Variants in ITGA1 observed in about 807,000 individuals in gnomAD.
The protein encoded by ITGA1 is integrin alpha-1.
Under a neutral mutation model 145.9 loss-of-function variants are expected in ITGA1, and 85 were observed. The observed-to-expected ratio is 0.58, with a 90% confidence interval of 0.49 to 0.70. ITGA1 has a LOEUF of 0.70. Ranked by LOEUF, ITGA1 falls within the 30% of genes least tolerant of loss-of-function variation. The probability of loss-of-function intolerance (pLI) is 0.00; values close to 1 mark genes in which losing one functional copy is unlikely to be tolerated. For synonymous variants in ITGA1, 520 were observed against 495.3 expected (o/e 1.05, Z -0.66); for missense variants, 1,351 against 1,418.7 (o/e 0.95, Z 0.77).
chr5:52,937,385 C>T lies in ITGA1; in HGVS notation c.2965-16C>T. 1 of 1,515,114 alleles carries T rather than the reference C, an allele frequency of 6.6e-7. No individual in the cohort carries two copies. The highest frequency in any genetic ancestry group is 9.2e-7 in the Non-Finnish European group (1 of 1,090,350). The allele number at this position is 1,515,114 out of a possible 1,614,324, so 93.9% of individuals were successfully genotyped here. ...AAAAGAGGAAGAAAGATTACATTTCCATTTTTTTCTTGTAGATTAGAAAAA... is the reference window on the plus strand; with the variant it reads ...AAAAGAGGAAGAAAGATTACATTTCTATTTTTTTCTTGTAGATTAGAAAAA... On this transcript the variant is annotated splice_polypyrimidine_tract_variant and intron_variant, in intron 23 of 28. Coordinates refer to ENST00000282588, the MANE Select transcript of ITGA1 (RefSeq NM_181501.2).
rs1389250182 is a variant in ITGA1, at chr5:52,887,869, G to A, written c.828G>A (p.Met276Ile). The change falls in exon 8 of 29, where the codon ATG becomes ATA. Residue 276 changes from methionine (M) to isoleucine (I), a missense_variant. Physicochemically the swap from Met to Ile is conservative, Grantham distance 10. Transcript: ENST00000282588. ...CCCGAAGAGGAGTTAAAAAAGTCAT[G>A]GTTATTGTGACAGATGGAGAGTCTC... ...RGARRGVKKVMVIVTDGESHD... is the reference protein window; with the variant it reads ...RGARRGVKKVIVIVTDGESHD... The A allele has an allele frequency of 3.1e-6, 5 of 1,613,936 alleles. No individual in the cohort carries two copies. In the African/African-American group the frequency reaches 6.7e-5, roughly 22 times the overall value.
intron 26 of ITGA1, among the ~76,000 whole-genome samples, chr5:52,940,417 T>C (rs1376057600): frequency 1.3e-5 from 2 of 151,022 alleles, no homozygotes; most frequent in African/African-American, 4.9e-5. Context: ...TTTTTCTTTT[T>C]TTTTTTTTTG....
chr5:52,799,190 C>T (rs116734477), intron 1 of ITGA1, among the ~76,000 whole-genome samples: 4,412 of 152,256 alleles, frequency 0.029, 77 homozygotes, highest in Non-Finnish European at 0.037. Context: ...TTTGTTTTTT[C>T]TATTCATCGG....
At chr5:52,875,937 A>G (rs1749859451) in intron 6 of ITGA1, among the ~76,000 whole-genome samples, 1 of 151,744 alleles carries the variant, frequency 6.6e-6, no homozygotes, top group African/African-American at 2.4e-5. Context: ...AAACTCCTTT[A>G]ATTATCATCT....
At chr5:52,874,012 T>C (rs1334460962) in intron 6 of ITGA1, among the ~76,000 whole-genome samples, 2 of 151,762 alleles carry the variant, frequency 1.3e-5, no homozygotes, top group African/African-American at 2.4e-5. Context: ...AATATACTTA[T>C]CCTAGTTGAG....
Position 52,793,042 on chromosome 5 carries a change from A to T in ITGA1, c.61+4628A>T, listed in dbSNP as rs553586098. Among the ~76,000 whole-genome samples the T allele has an allele frequency of 2.0e-5, 3 of 152,178 alleles. No homozygotes were observed. The East Asian group carries it at 5.8e-4, about 29-fold the overall frequency. On this transcript the variant is annotated intron_variant, in intron 1 of 28. Transcript: ENST00000282588. Reference sequence around the variant, plus strand: ...GGACTTTGCATAAGTAGTTACTCCCACTGCTACTGATCTCAATCCCTGAAT... The same window carrying T: ...GGACTTTGCATAAGTAGTTACTCCCTCTGCTACTGATCTCAATCCCTGAAT...
intron 2 of ITGA1, among the ~76,000 whole-genome samples, chr5:52,857,350 C>T (rs548999005): frequency 2.0e-5 from 3 of 152,244 alleles, no homozygotes; most frequent in African/African-American, 4.8e-5. Context: ...TCTACTCCCT[C>T]TCCTGTGAAA....
intron 18 of ITGA1, among the ~76,000 whole-genome samples, chr5:52,923,736 C>A (rs75291102): frequency 0.031 from 4,670 of 152,098 alleles, 275 homozygotes; most frequent in African/African-American, 0.11. Flanking sequence ...GAATTTAGGA[C>A]CAATGGAAAG....
rs1751029093 is a variant in ITGA1 at position 52,939,958 on chromosome 5, T to C, written c.3285+14T>C. 1.5e-6 allele frequency: 2 copies of C among 1,328,842 alleles called. No homozygotes were observed. The highest frequency in any genetic ancestry group is 1.4e-5 in the African/African-American group (1 of 69,220). The allele number at this position is 1,328,842 out of a possible 1,614,324, so 82.3% of individuals were successfully genotyped here. A position where few individuals can be genotyped will look rare whatever the true frequency, so the allele number is the denominator to read the frequency against. The stretch of plus-strand genomic sequence containing the variant: ...ACTTTTATAAAAGTAAGTAAATACA[T>C]AGTTCTATGCACTTATTGAATAATA... On this transcript the variant is annotated intron_variant, in intron 26 of 28. Transcript: ENST00000282588.
At chr5:52,887,707 G>T in intron 7 of ITGA1, 108 bp from the exon 8 acceptor site, 1 of 1,020,534 alleles carries the variant, frequency 9.8e-7, no homozygotes, top group Non-Finnish European at 1.4e-6. Flanking sequence ...TAATTTTGGA[G>T]GGAAGCACCA....
intron 1 of ITGA1, among the ~76,000 whole-genome samples, chr5:52,825,761 T>C (rs1435784327): frequency 2.6e-5 from 4 of 151,796 alleles, no homozygotes; most frequent in Non-Finnish European, 5.9e-5. Context: ...CTACTGAAAA[T>C]GCAAAAATTA....
chr5:52,788,226 CTGCCACTGGGGCAG>C lies in ITGA1; in HGVS notation c.-127_-114del. On this transcript the variant is annotated 5_prime_UTR_variant, in exon 1 of 29. Transcript: ENST00000282588. ...ACTCCTCTCCCGCTCCTGGGCGCCG[CTGCCACTGGGGCAG>C]AGGACTGGGAACCGCGGCAGCGGGA... 1.6e-6 allele frequency: 1 copy of C among 616,114 alleles called. No individual in the cohort carries two copies. The allele number at this position is 616,114 out of a possible 1,614,324, so 38.2% of individuals were successfully genotyped here.
chr5:52,814,745 G>T (rs78398833), intron 1 of ITGA1, among the ~76,000 whole-genome samples: 1 of 151,744 alleles, frequency 6.6e-6, no homozygotes, highest in Non-Finnish European at 1.5e-5. Flanking sequence ...AAAAGGGGGG[G>T]AAAGAAAAAG....
chr5:52,866,819 C>T (rs559044109), intron 6 of ITGA1, among the ~76,000 whole-genome samples: 1 of 152,186 alleles, frequency 6.6e-6, no homozygotes, highest in African/African-American at 2.4e-5. Context: ...GTTTATTAAA[C>T]TCATATGGGC....
intron 1 of ITGA1, among the ~76,000 whole-genome samples, chr5:52,847,470 GAC>G (rs1451751300): frequency 2.0e-5 from 3 of 152,176 alleles, no homozygotes; most frequent in African/African-American, 7.2e-5. Flanking sequence ...TAACAAAGAA[GAC>G]TGAATTTAGC....
At position 52,939,645 on chromosome 5, in the gene ITGA1, A is replaced by G. The variant is rs769092679; in HGVS notation, c.3134A>G (p.Lys1045Arg). 2 of 1,613,844 alleles carry G rather than the reference A, an allele frequency of 1.2e-6. No homozygotes were observed. Among genetic ancestry groups the G allele is most frequent in the South Asian group, 2.2e-5 (2 of 91,086 alleles). ...FEDPFSINSG[K>R]KMTTSTDHLK... Reference sequence around the variant, plus strand: ...GATCCTTTCAGTATCAACTCTGGAAAGAAAATGACTACATCAACTGACCAT... The same window carrying G: ...GATCCTTTCAGTATCAACTCTGGAAGGAAAATGACTACATCAACTGACCAT... The change falls in exon 25 of 29, where the codon AAG becomes AGG. Residue 1045 changes from lysine to arginine, a missense_variant. Physicochemically the swap from Lys to Arg is conservative, Grantham distance 26. Transcript: ENST00000282588.
chr5:52,905,770 T>C lies in ITGA1; in HGVS notation c.1317T>C (p.Thr439=). ...NEPLASYLGY[T]VNSATASSGD... ...GAATCTTTCTTTTGTTAGGTTACAC[T>C]GTAAACTCTGCTACTGCTTCTTCTG... Residue 439 remains threonine, a synonymous_variant, in exon 12 of 29, where the codon ACT becomes ACC. Transcript: ENST00000282588. 1 of 1,613,264 alleles carries C rather than the reference T, an allele frequency of 6.2e-7. No individual in the cohort carries two copies. The highest frequency in any genetic ancestry group is 1.1e-5 in the South Asian group (1 of 90,856).
chr5:52,932,789 T>A (rs1750911263), intron 22 of ITGA1: 1 of 152,182 alleles, frequency 6.6e-6, no homozygotes, highest in Non-Finnish European at 1.5e-5. Flanking sequence ...TTTTATTAAT[T>A]TTTTAATAAT....
intron 2 of ITGA1, among the ~76,000 whole-genome samples, chr5:52,850,363 C>A (rs1305818583): frequency 2.0e-5 from 3 of 152,066 alleles, no homozygotes; most frequent in Non-Finnish European, 2.9e-5. Context: ...TATTAGAGTT[C>A]TTTTGCTTAA....
Sources: gnomAD v4.1 joint callset for allele counts (sites outside exome capture counted in the v4.1 genomes callset) on GRCh38, gnomAD v4.1.1 for gene constraint, MANE v1.5 for transcripts, NCBI Gene and HGNC (gene_info 2026-07-23, HGNC 2026-07-21) for gene names.